The following DDX51 variants were observed in gnomAD, a reference collection of about 807,000 sequenced individuals.
The protein encoded by DDX51 is ATP-dependent RNA helicase DDX51.
Under a neutral mutation model 74.6 loss-of-function variants are expected in DDX51, and 67 were observed. The observed-to-expected ratio is 0.90, with a 90% CI of 0.74 to 1.10. DDX51 has a LOEUF of 1.10. DDX51 is among the 50% of genes least tolerant of loss of function. DDX51 has a pLI of 0.00. For missense variants in DDX51, 1,056 were observed against 905.2 expected, an observed-to-expected ratio of 1.17 and a Z score of -2.14; for synonymous variants, 545 against 402.9, an observed-to-expected ratio of 1.35 and a Z score of -4.22.
rs535216551 is a variant in DDX51 at position 132,139,664 on chromosome 12, C to A, written c.1945G>T (p.Ala649Ser). Residue 649 changes from alanine to serine, a missense_variant, in exon 14 of 15, where the codon GCC becomes TCC. By Grantham distance (99) the Ala-to-Ser change is moderately conservative. Transcript: ENST00000397333. Reference protein sequence around the residue: ...LQPLVPRYEEALSQLEESVKE... With the variant: ...LQPLVPRYEESLSQLEESVKE... ...ACAGACTCCTCCAGCTGGGACAGGG[C>A]CTCCTCGTACCGAGGAACCAGCGGC... 2 of 1,613,100 alleles carry A rather than the reference C, an allele frequency of 1.2e-6. No homozygotes were observed. Among genetic ancestry groups the A allele is most frequent in the Non-Finnish European group, 1.7e-6 (2 of 1,179,978 alleles).
rs765629804 is a variant in DDX51, at chr12:132,139,303, G to A, written c.1975-5C>T. 8.1e-6 allele frequency: 13 copies of A among 1,607,468 alleles called. No individual in the cohort carries two copies. The highest frequency in any genetic ancestry group is 3.4e-5 in the Admixed American group (2 of 59,630). Reference sequence around the variant, plus strand: ...CGCCCTCTGCTTGCGCTCTTCCTGTGGAGGAAAGGGGAGGGCTCAGCACCA... The same window carrying A: ...CGCCCTCTGCTTGCGCTCTTCCTGTAGAGGAAAGGGGAGGGCTCAGCACCA... On this transcript the variant is annotated splice_polypyrimidine_tract_variant and splice_region_variant and intron_variant, in intron 14 of 14. Coordinates refer to ENST00000397333, the MANE Select transcript of DDX51 (RefSeq NM_175066.4).
intron 2 of DDX51, chr12:132,143,340 C>T (rs1258940250): frequency 1.3e-5 from 6 of 452,346 alleles, no homozygotes; most frequent in African/African-American, 8.2e-5. Flanking sequence ...ATCTCTTTAC[C>T]GAAAACCACA....
At position 132,141,552 on chromosome 12, in the gene DDX51, C is replaced by G. The variant is rs61756266; in HGVS notation, c.1050G>C (p.Leu350=). 2.6e-3 allele frequency: 4,207 copies of G among 1,604,714 alleles called. 103 individuals are homozygous for G. The African/African-American group carries it at 0.049, about 19-fold the overall frequency. ...CTGGGGTCTGGTCGATGTGGTCCAC[C>G]AGGCGGCCGGGGGTGGCTACCACGA... ...ADIVVATPGR[L]VDHIDQTPGF... is the part of the protein sequence containing the mutation. Residue 350 remains leucine (L), a synonymous_variant, in exon 7 of 15, where the codon CTG becomes CTC. Coordinates refer to ENST00000397333, the MANE Select transcript of DDX51 (RefSeq NM_175066.4).
In DDX51 at chr12:132,140,826, C is replaced by T. The variant is rs773842316; in HGVS notation, c.1440+5G>A. The T allele has an allele frequency of 6.2e-7, 1 of 1,613,520 alleles. No individual in the cohort carries two copies. Among genetic ancestry groups the T allele is most frequent in the South Asian group, 1.1e-5 (1 of 91,088 alleles). ...AACCCTCTGCCCACACGGTATCCCA[C>T]TCACCGTGAGCCCAACAGGAAAGGC... On this transcript the variant is annotated splice_donor_5th_base_variant and intron_variant, in intron 9 of 14. Coordinates refer to ENST00000397333, the MANE Select transcript of DDX51 (RefSeq NM_175066.4).
In DDX51 at chr12:132,139,066, G is replaced by A. The variant is rs1254810459; in HGVS notation, c.*206C>T. 3.0e-6 allele frequency: 2 copies of A among 665,238 alleles called. No homozygotes were observed. The highest frequency in any genetic ancestry group is 5.0e-6 in the Non-Finnish European group (2 of 399,212). 41.2% of individuals were successfully genotyped at this position (665,238 alleles called of 1,614,324 possible). On this transcript the variant is annotated 3_prime_UTR_variant, in exon 15 of 15. Transcript: ENST00000397333. ...CCATCCTGACCTCCACACTCTGAAA[G>A]TGACAAGCCCTGAAGTCTCCAGTCG...
chr12:132,143,354 G>A (rs540531280), intron 2 of DDX51: 136 of 481,766 alleles, frequency 2.8e-4, no homozygotes, highest in South Asian at 2.3e-3. Flanking sequence ...AACCACACGT[G>A]CTAAGCAAAA....
At position 132,143,582 on chromosome 12, in the gene DDX51, G is replaced by A. The variant is rs1897567292; in HGVS notation, c.519+113C>T. ...ACTGCAGACCTGGCAGCGAGGCGCG[G>A]CTGTGACCCGGGAACATTCGCTGAA... On this transcript the variant is annotated intron_variant, in intron 2 of 14. Coordinates refer to ENST00000397333, the MANE Select transcript of DDX51 (RefSeq NM_175066.4). The A allele has an allele frequency of 2.9e-6, 4 of 1,374,536 alleles. No homozygotes were observed. In the East Asian group the frequency reaches 7.9e-5, roughly 27 times the overall value. The allele number at this position is 1,374,536 out of a possible 1,614,324, so 85.1% of individuals were successfully genotyped here. A position where few individuals can be genotyped will look rare whatever the true frequency, so the allele number is the denominator to read the frequency against.
intron 2 of DDX51, chr12:132,143,438 C>T (rs1897558703): frequency 3.5e-6 from 2 of 574,378 alleles, no homozygotes; most frequent in Non-Finnish European, 3.0e-6. Context: ...CAGGAAACCC[C>T]GCACGTTCAC....
intron 13 of DDX51, 43 bp downstream of exon 13, chr12:132,139,818 C>T (rs1897377493): frequency 6.2e-7 from 1 of 1,612,792 alleles, no homozygotes; most frequent in African/African-American, 1.3e-5. Flanking sequence ...AGCCCCTTAA[C>T]ACCCACCAAC....
Position 132,144,123 on chromosome 12 carries a change from T to C in DDX51, c.174A>G (p.Ala58=), listed in dbSNP as rs1197907612. 82 of 1,207,820 alleles carry C rather than the reference T, an allele frequency of 6.8e-5. No homozygotes were observed. The highest frequency in any genetic ancestry group is 9.6e-5 in the African/African-American group (6 of 62,774). The allele number at this position is 1,207,820 out of a possible 1,614,324, so 74.8% of individuals were successfully genotyped here. Residue 58 remains alanine (A), a synonymous_variant, in exon 1 of 15, where the codon GCA becomes GCG. Transcript: ENST00000397333. ...QREPAQTEAA[A]STEPATRRRR... is the part of the protein sequence containing the mutation. ...GCCTCCTGGTCGCCGGCTCGGTCGA[T>C]GCAGCCGCCTCGGTCTGCGCGGGCT... is the stretch of plus-strand genomic sequence containing the variant.
In DDX51 at chr12:132,143,979, G is replaced by A; in HGVS notation, c.304+14C>T. 7.1e-7 allele frequency: 1 copy of A among 1,414,062 alleles called. No homozygotes were observed. Among genetic ancestry groups the A allele is most frequent in the South Asian group, 1.5e-5 (1 of 67,452 alleles). The allele number at this position is 1,414,062 out of a possible 1,614,324, so 87.6% of individuals were successfully genotyped here. On this transcript the variant is annotated intron_variant, in intron 1 of 14. Coordinates refer to ENST00000397333, the MANE Select transcript of DDX51 (RefSeq NM_175066.4). ...CCGGCGCCCCAGAGGGAGCCCGCTC[G>A]CCCCGCGGCCCACCTGCGCCCGCGT... is the stretch of plus-strand genomic sequence containing the variant.
rs1220301123 is a variant in DDX51 at position 132,137,990 on chromosome 12, A to AC, written c.*1281dup. The AC allele has an allele frequency of 6.6e-6, 1 of 152,146 alleles. No homozygotes were observed. Among genetic ancestry groups the AC allele is most frequent in the Non-Finnish European group, 1.5e-5 (1 of 68,042 alleles). 9.4% of individuals were successfully genotyped at this position (152,146 alleles called of 1,614,324 possible). A position where few individuals can be genotyped will look rare whatever the true frequency, so the allele number is the denominator to read the frequency against. ...TTAGCGTCAGGTTCCGGGTTCATCCACGGGGTGCCTATGCTGGTGCCTCAC... is the reference window on the plus strand; with the variant it reads ...TTAGCGTCAGGTTCCGGGTTCATCCACCGGGGTGCCTATGCTGGTGCCTCAC... On this transcript the variant is annotated 3_prime_UTR_variant, in exon 15 of 15. Coordinates refer to ENST00000397333, the MANE Select transcript of DDX51 (RefSeq NM_175066.4).
intron 8 of DDX51, 101 bp downstream of exon 8, chr12:132,141,174 C>T (rs1387544869): frequency 6.6e-7 from 1 of 1,506,590 alleles, no homozygotes; most frequent in Non-Finnish European, 8.8e-7. Context: ...TTCTGTGCAC[C>T]AGAGCTCAAG....
Position 132,141,323 on chromosome 12 carries a change from G to A in DDX51, c.1202C>T (p.Pro401Leu), listed in dbSNP as rs951165748. ...AAFQSEDPAD[P>L]CALLQRRQAQ... ...CTGCCTTCGCTGGAGCAGGGCACAG[G>A]GGTCCGCGGGGTCCTCGCTCTGGAA... The change falls in exon 8 of 15, where the codon CCC becomes CTC. Residue 401 changes from proline (P) to leucine (L), a missense_variant. By Grantham distance (98) the Pro-to-Leu change is moderately conservative (BLOSUM62 -3). Transcript: ENST00000397333. The A allele has an allele frequency of 4.4e-6, 7 of 1,598,752 alleles. No homozygotes were observed. The highest frequency in any genetic ancestry group is 5.9e-6 in the Non-Finnish European group (7 of 1,179,620).
rs764690188 is a variant in DDX51, at chr12:132,144,071, C to CCCGCCG, written c.220_225dup (p.Arg74_Arg75dup). ...GGGCTCCCCGGCTCCGCGTCGTTCA[C>CCCGCCG]CCGCCGCCGCCGCCGGGGCCGCCGT... On this transcript the variant is annotated inframe_insertion, in exon 1 of 15. Transcript: ENST00000397333. The CCCGCCG allele has an allele frequency of 1.6e-6, 2 of 1,245,950 alleles. No homozygotes were observed. Among genetic ancestry groups the CCCGCCG allele is most frequent in the Non-Finnish European group, 2.0e-6 (2 of 997,686 alleles). 77.2% of individuals were successfully genotyped at this position (1,245,950 alleles called of 1,614,324 possible).
At chr12:132,141,681 C>T in intron 6 of DDX51, 75 bp from the exon 7 acceptor site, 6 of 1,506,232 alleles carry the variant, frequency 4.0e-6, no homozygotes, top group Non-Finnish European at 5.4e-6. Flanking sequence ...TGCCTCACCC[C>T]ACAGCCCCGA....
intron 4 of DDX51, 39 bp from the exon 5 acceptor site, chr12:132,142,229 C>G (rs1897493441): frequency 6.3e-7 from 1 of 1,592,232 alleles, no homozygotes; most frequent in South Asian, 1.1e-5. Context: ...AAGGCTGTTA[C>G]CTGTCCTCTG....
At chr12:132,139,384 A>G in intron 14 of DDX51, 86 bp from the exon 15 acceptor site, 1 of 1,564,832 alleles carries the variant, frequency 6.4e-7, no homozygotes, top group Non-Finnish European at 8.7e-7. Context: ...TGGAACCCTG[A>G]GGACAGGAAG....
At chr12:132,139,801 T>G in intron 13 of DDX51, 32 bp from the exon 14 acceptor site, 2 of 1,612,840 alleles carry the variant, frequency 1.2e-6, no homozygotes, top group South Asian at 1.1e-5. Context: ...AAGGGGGTTC[T>G]TGGGCCAGCC....
Sources: gnomAD v4.1 joint callset for allele counts on GRCh38, gnomAD v4.1.1 for gene constraint, MANE v1.5 for transcripts, NCBI Gene and HGNC (gene_info 2026-07-23, HGNC 2026-07-21) for gene names.